RPS6KA2: variants seen among roughly 807,000 people sequenced by gnomAD.
RPS6KA2 encodes the protein ribosomal protein S6 kinase alpha-2.
Under a neutral mutation model 91.8 loss-of-function variants are expected in RPS6KA2, and 42 were observed. That is an observed-to-expected ratio of 0.46 (90% CI 0.36 to 0.59). The LOEUF (loss-of-function observed/expected upper bound fraction) is 0.59, where lower values mean the gene tolerates loss of function less well. RPS6KA2 is among the 20% of genes least tolerant of loss of function. The pLI is 0.00. For missense variants in RPS6KA2, 798 were observed against 978.5 expected (o/e 0.82, Z 2.46); for synonymous variants, 414 against 393.6 (o/e 1.05, Z -0.61).
At chr6:166,584,130 T>G (rs952002354) in intron 1 of RPS6KA2, among the ~76,000 whole-genome samples, 3 of 152,208 alleles carry the variant, frequency 2.0e-5, no homozygotes, top group African/African-American at 7.2e-5. Flanking sequence ...AAACAGACAT[T>G]TATTTCCCAT....
intron 2 of RPS6KA2, among the ~76,000 whole-genome samples, chr6:166,699,299 T>C (rs1789442264): frequency 6.6e-6 from 1 of 152,124 alleles, no homozygotes; most frequent in Non-Finnish European, 1.5e-5. Flanking sequence ...AAGTGGGTTC[T>C]CAGGAGCCAT....
intron 1 of RPS6KA2, among the ~76,000 whole-genome samples, chr6:166,615,766 G>C (rs1326058475): frequency 6.6e-6 from 1 of 152,128 alleles, no homozygotes; most frequent in Non-Finnish European, 1.5e-5. Flanking sequence ...CATCAGAGAG[G>C]GAGAGCACAC....
In RPS6KA2 at chr6:166,672,646, T is replaced by A. The variant is rs1198051514; in HGVS notation, c.124-133862A>T. The stretch of plus-strand genomic sequence containing the variant: ...CTTACTCCTCTACTGCGATACTGTT[T>A]ACAAGGTTTATTTTCTGAGAGAAAG... On this transcript the variant is annotated intron_variant, in intron 2 of 21. Transcript: ENST00000503859. 2.6e-5 allele frequency among the ~76,000 whole-genome samples: 4 copies of A among 152,328 alleles called. No homozygotes were observed. The East Asian group carries it at 7.7e-4, about 29-fold the overall frequency.
intron 16 of RPS6KA2, among the ~76,000 whole-genome samples, chr6:166,424,803 G>A (rs16898917): frequency 0.1 from 15,762 of 152,220 alleles, 2,517 homozygotes; most frequent in African/African-American, 0.35. Flanking sequence ...TTCTTTACCC[G>A]TTGCAAGTAA....
intron 6 of RPS6KA2, 33 bp downstream of exon 6, chr6:166,504,473 T>C: frequency 7.8e-7 from 1 of 1,288,536 alleles, no homozygotes; most frequent in Non-Finnish European, 1.1e-6. Flanking sequence ...CTGATGGGCG[T>C]GGGGAAGTCA....
intron 2 of RPS6KA2, among the ~76,000 whole-genome samples, chr6:166,771,799 C>T (rs1208937349): frequency 4.6e-5 from 7 of 152,210 alleles, no homozygotes; most frequent in South Asian, 2.1e-4. Flanking sequence ...GAGATGCCAG[C>T]GGCCTCTGCT....
At chr6:166,517,917 T>C (rs560248612) in intron 3 of RPS6KA2, among the ~76,000 whole-genome samples, 1 of 152,288 alleles carries the variant, frequency 6.6e-6, no homozygotes, top group East Asian at 1.9e-4. Context: ...TTTTAGTAAA[T>C]CTTATGACTG....
intron 2 of RPS6KA2, chr6:166,757,678 C>T (rs956589927): frequency 1.6e-5 from 7 of 447,970 alleles, no homozygotes; most frequent in East Asian, 7.2e-5. Context: ...CTGCTGCGCC[C>T]GTCCTCGTCA....
intron 2 of RPS6KA2, among the ~76,000 whole-genome samples, chr6:166,830,204 A>G (rs1490646182): frequency 6.6e-6 from 1 of 152,160 alleles, no homozygotes; most frequent in African/African-American, 2.4e-5. Flanking sequence ...CATGGAGCCC[A>G]TAACCTTGAG....
intron 10 of RPS6KA2, among the ~76,000 whole-genome samples, chr6:166,478,158 C>T (rs1781050224): frequency 6.6e-6 from 1 of 152,228 alleles, no homozygotes; most frequent in African/African-American, 2.4e-5. Context: ...GGGCGGTTAC[C>T]ATGCGTCACC....
rs1783360950 is a variant in RPS6KA2 at position 166,533,363 on chromosome 6, G to A, written c.217-2050C>T. On this transcript the variant is annotated intron_variant, in intron 2 of 20. Coordinates refer to ENST00000265678, the MANE Select transcript of RPS6KA2 (RefSeq NM_021135.6). This position sits in a 1 kb window ranked among gnomAD's most constrained non-coding sequence, Gnocchi z 4.0. ...CGCAGCCCAGGAGTCCAGGAGCTGG[G>A]CAAGGCTGCGTGAGCGTCCCGGTGC... 6.6e-6 allele frequency among the ~76,000 whole-genome samples: 1 copy of A among 152,238 alleles called. No individual in the cohort carries two copies. Among genetic ancestry groups the A allele is most frequent in the Non-Finnish European group, 1.5e-5 (1 of 68,050 alleles).
chr6:166,765,848 G>A (rs551146396), intron 2 of RPS6KA2, among the ~76,000 whole-genome samples: 7 of 152,304 alleles, frequency 4.6e-5, no homozygotes, highest in African/African-American at 1.7e-4. Context: ...ATTGGCTGGG[G>A]CAATGGCAGG....
intron 2 of RPS6KA2, among the ~76,000 whole-genome samples, chr6:166,638,934 A>G (rs1787334506): frequency 6.6e-6 from 1 of 152,234 alleles, no homozygotes; most frequent in Non-Finnish European, 1.5e-5. Flanking sequence ...GTCTATTTTT[A>G]AAAATGTTGA....
chr6:166,550,573 T>C (rs1273447941), intron 1 of RPS6KA2, among the ~76,000 whole-genome samples: 4 of 152,206 alleles, frequency 2.6e-5, no homozygotes, highest in Non-Finnish European at 4.4e-5. Context: ...GCCTGCAATA[T>C]GGACGGCAAC....
Position 166,762,855 on chromosome 6 carries a change from G to A in RPS6KA2, c.123+95345C>T, listed in dbSNP as rs556483348. 2.0e-5 allele frequency among the ~76,000 whole-genome samples: 3 copies of A among 152,318 alleles called. No individual in the cohort carries two copies. In the East Asian group the frequency reaches 5.8e-4, roughly 29 times the overall value. ...GGCACCGAGGCTACTGCAGAGCACA[G>A]GTGGAAACACAGGTACATAGGTGAC... is the stretch of plus-strand genomic sequence containing the variant. On this transcript the variant is annotated intron_variant, in intron 2 of 21. Coordinates refer to the RPS6KA2 transcript ENST00000503859.
At chr6:166,792,589 G>A (rs1478032139) in intron 2 of RPS6KA2, among the ~76,000 whole-genome samples, 4 of 151,820 alleles carry the variant, frequency 2.6e-5, no homozygotes, top group Non-Finnish European at 5.9e-5. Context: ...GATGAACATC[G>A]ATGCAAAAAT....
intron 1 of RPS6KA2, among the ~76,000 whole-genome samples, chr6:166,587,666 TTA>T (rs1554232139): frequency 1.3e-5 from 2 of 148,974 alleles, no homozygotes; most frequent in Non-Finnish European, 3.0e-5. Flanking sequence ...AAAATAAATA[TTA>T]TATATATATA....
intron 1 of RPS6KA2, among the ~76,000 whole-genome samples, chr6:166,564,511 T>C (rs1784434598): frequency 6.6e-6 from 1 of 152,218 alleles, no homozygotes; most frequent in African/African-American, 2.4e-5. Flanking sequence ...CCCTTTATTC[T>C]CTTTCTCATC....
chr6:166,698,914 G>A (rs1181635872), intron 2 of RPS6KA2, among the ~76,000 whole-genome samples: 2 of 152,184 alleles, frequency 1.3e-5, no homozygotes, highest in African/African-American at 4.8e-5. Context: ...TAGAATGACG[G>A]CTAATTTGGA....
Sources: gnomAD v4.1 joint callset for allele counts (sites outside exome capture counted in the v4.1 genomes callset) on GRCh38, gnomAD v4.1.1 for gene constraint, Gnocchi (gnomAD v3.1) non-coding constraint, MANE v1.5 for transcripts, NCBI Gene and HGNC (gene_info 2026-07-23, HGNC 2026-07-21) for gene names.